Variants in NEB observed in about 807,000 individuals in gnomAD.
NEB encodes nemaline myopathy type 2.
NEB carries 512 observed loss-of-function variants against 952.2 expected under a neutral mutation model. The observed-to-expected ratio is 0.54, with a 90% CI of 0.50 to 0.58. NEB has a LOEUF of 0.58. Among genes scored for constraint, NEB ranks in the 20% least tolerant of loss-of-function variants. The probability of loss-of-function intolerance (pLI) is 0.00; values close to 1 mark genes in which losing one functional copy is unlikely to be tolerated. For synonymous variants in NEB, 2,900 were observed against 3,149.8 expected (o/e 0.92, Z 2.66); for missense variants, 8,428 against 9,231.1 (o/e 0.91, Z 3.56).
chr2:151,499,886 A>G (rs1201489411), intron 168 of NEB, among the ~76,000 whole-genome samples: 1 of 152,232 alleles, frequency 6.6e-6, no homozygotes, highest in South Asian at 2.1e-4. Flanking sequence ...TATTTTCCAC[A>G]GTATCTAATA....
At chr2:151,689,880 C>G (rs2099533965) in intron 24 of NEB, 1 of 152,204 alleles carries the variant, frequency 6.6e-6, no homozygotes, top group Admixed American at 6.5e-5. Context: ...ATGCCATTCT[C>G]CTCTTTACTA....
At chr2:151,566,480 T>C (rs1253287366) in intron 114 of NEB, among the ~76,000 whole-genome samples, 1 of 152,164 alleles carries the variant, frequency 6.6e-6, no homozygotes, top group Non-Finnish European at 1.5e-5. Context: ...CAGGTTCCCT[T>C]TTGTTAATGA....
rs750950248 is a variant in NEB, at chr2:151,570,132, G to T, written c.17379C>A (p.Pro5793=). Residue 5793 remains proline, a synonymous_variant, in exon 109 of 182, where the codon CCC becomes CCA. Transcript: ENST00000397345. ...RNYLHQWTCM[P]DQNDVIQAKK... ...TGGCCTGAATCACATCGTTCTGGTC[G>T]GGCATGCAGGTCCACTGGTGCAGGT... The T allele has an allele frequency of 6.2e-7, 1 of 1,612,708 alleles. No homozygotes were observed. The highest frequency in any genetic ancestry group is 8.5e-7 in the Non-Finnish European group (1 of 1,179,278).
intron 53 of NEB, 39 bp from the exon 54 acceptor site, chr2:151,650,418 CACCTGG>C: frequency 6.3e-7 from 1 of 1,587,204 alleles, no homozygotes; most frequent in Non-Finnish European, 8.6e-7. Flanking sequence ...ATCCCATTCT[CACCTGG>C]ACCCTTGATT....
At position 151,697,454 on chromosome 2, in the gene NEB, T is replaced by C. The variant is rs2099604456; in HGVS notation, c.1261A>G (p.Lys421Glu). 1 of 1,612,818 alleles carries C rather than the reference T, an allele frequency of 6.2e-7. No individual in the cohort carries two copies. Among genetic ancestry groups the C allele is most frequent in the Non-Finnish European group, 8.5e-7 (1 of 1,179,182 alleles). Residue 421 changes from lysine (K) to glutamate (E), a missense_variant, in exon 15 of 182, where the codon AAA becomes GAA. Physicochemically the swap from Lys to Glu is moderately conservative, Grantham distance 56. Around this residue, in one of 11 missense-constraint regions of NEB, gnomAD observed 2,851 missense variants for 2,791.5 expected, o/e 1.02. Coordinates refer to ENST00000397345, the MANE Select transcript of NEB (RefSeq NM_001164508.2). ...TVLQNFSSDK[K>E]YKDSYLKDIL... The stretch of plus-strand genomic sequence containing the variant: ...TCTTTTAAGTAGGAATCTTTATATT[T>C]TTTCTGCAAGACAAAACATACTTCA...
intron 172 of NEB, 79 bp from the exon 173 acceptor site, chr2:151,496,447 C>A: frequency 6.7e-7 from 1 of 1,498,408 alleles, no homozygotes; most frequent in Non-Finnish European, 9.0e-7. Context: ...GTAAGGTCAA[C>A]TTCCTTGTTA....
Position 151,688,048 on chromosome 2 carries a change from G to A in NEB, c.2415+244C>T, listed in dbSNP as rs112387433. ...GTGAAATTTACATGGGAAAGATGTT[G>A]TAAAACTCCAGGGAATAGTAGACGG... On this transcript the variant is annotated intron_variant, in intron 25 of 181. Transcript: ENST00000397345. Among the ~76,000 whole-genome samples the A allele has an allele frequency of 3.3e-3, 497 of 152,258 alleles. 3 individuals carry two copies. The highest frequency in any genetic ancestry group is 0.011 in the African/African-American group (457 of 41,536).
intron 72 of NEB, 143 bp from the exon 73 acceptor site, chr2:151,619,905 TG>T (rs1189314001): frequency 3.9e-5 from 32 of 826,006 alleles, no homozygotes; most frequent in Non-Finnish European, 5.7e-5. Context: ...CATATTGGAC[TG>T]TTGTGCTCAT....
chr2:151,527,313 G>T (rs1401973420), intron 147 of NEB, among the ~76,000 whole-genome samples, 168 bp downstream of exon 147: 1 of 152,174 alleles, frequency 6.6e-6, no homozygotes, highest in Non-Finnish European at 1.5e-5. Context: ...CCATGGGCAG[G>T]TTTGGGTTCT....
intron 151 of NEB, 36 bp from the exon 152 acceptor site, chr2:151,524,652 GGCTTTT>G: frequency 1.9e-6 from 1 of 537,978 alleles, no homozygotes; most frequent in African/African-American, 2.3e-5. Context: ...TCAAGAGAGA[GGCTTTT>G]TTTTTTTTTT....
chr2:151,497,317 C>T (rs2060894449), intron 171 of NEB: 1 of 978,732 alleles, frequency 1.0e-6, no homozygotes, highest in Admixed American at 6.2e-5. Context: ...ACCATGCCTC[C>T]TAAACAATTA....
chr2:151,495,776 C>T (rs780095071), intron 173 of NEB, among the ~76,000 whole-genome samples: 4 of 152,144 alleles, frequency 2.6e-5, no homozygotes, highest in Non-Finnish European at 5.9e-5. Flanking sequence ...GCCAAAACTA[C>T]TATTGGATCA....
rs2096436420 is a variant in NEB, at chr2:151,567,065, T to C, written c.18156+103A>G. 1.9e-6 allele frequency: 2 copies of C among 1,029,034 alleles called. 1 individual carries two copies. Among genetic ancestry groups the C allele is most frequent in the Non-Finnish European group, 2.8e-6 (2 of 713,086 alleles). 63.7% of individuals were successfully genotyped at this position (1,029,034 alleles called of 1,614,324 possible). The stretch of plus-strand genomic sequence containing the variant: ...ATTCCCTTTGGGAACAAATTAAATA[T>C]CGATGGCCTCAAATTTCAAGCACTT... On this transcript the variant is annotated intron_variant, in intron 114 of 181. Transcript: ENST00000397345.
intron 135 of NEB, among the ~76,000 whole-genome samples, chr2:151,545,166 G>A (rs1377413009): frequency 6.6e-6 from 1 of 152,222 alleles, no homozygotes; most frequent in Non-Finnish European, 1.5e-5. Flanking sequence ...AGCAGAGCAG[G>A]GAGCCACTGA....
intron 151 of NEB, 37 bp from the exon 152 acceptor site, chr2:151,524,653 G>C (rs977754782): frequency 5.0e-5 from 26 of 515,284 alleles, no homozygotes; most frequent in African/African-American, 1.3e-4. Flanking sequence ...CAAGAGAGAG[G>C]CTTTTTTTTT....
At chr2:151,609,594 A>T (rs1378897949) in intron 81 of NEB, among the ~76,000 whole-genome samples, 5 of 152,246 alleles carry the variant, frequency 3.3e-5, no homozygotes, top group Non-Finnish European at 5.9e-5. Flanking sequence ...TTTTAAAAAC[A>T]TTCAGATGAT....
Position 151,655,386 on chromosome 2 carries a change from GA to G in NEB, c.6703-13del, listed in dbSNP as rs763294980. ...ATGGTGTATAAATGCTAGGAAGTGG[GA>G]AAAAAAGACATGAAATTTGAATAAC... On this transcript the variant is annotated splice_polypyrimidine_tract_variant and intron_variant, in intron 50 of 181. Transcript: ENST00000397345. The G allele has an allele frequency of 1.9e-5, 27 of 1,448,776 alleles. No homozygotes were observed. Among genetic ancestry groups the G allele is most frequent in the African/African-American group, 7.1e-5 (5 of 70,314 alleles). 89.7% of individuals were successfully genotyped at this position (1,448,776 alleles called of 1,614,324 possible). A position where few individuals can be genotyped will look rare whatever the true frequency, so the allele number is the denominator to read the frequency against.
rs564761820 is a variant in NEB at position 151,509,223 on chromosome 2, G to A, written c.23347-1114C>T. ...AGATTTTGTTCATCTAAATGGAAGC[G>A]AATTAAAGCCAGATTTTTCGGAAGA... On this transcript the variant is annotated intron_variant, in intron 161 of 181. Transcript: ENST00000397345. 5.9e-5 allele frequency among the ~76,000 whole-genome samples: 9 copies of A among 152,224 alleles called. No individual in the cohort carries two copies. The South Asian group carries it at 6.2e-4, about 11-fold the overall frequency.
intron 3 of NEB, among the ~76,000 whole-genome samples, chr2:151,732,246 A>G (rs1294087021): frequency 6.6e-6 from 1 of 152,194 alleles, no homozygotes; most frequent in African/African-American, 2.4e-5. Flanking sequence ...ATTCAGATTC[A>G]TGGCACTGTA....
Sources: gnomAD v4.1 joint callset for allele counts (sites outside exome capture counted in the v4.1 genomes callset) on GRCh38, gnomAD v4.1.1 for gene constraint, gnomAD v4.1.1 regional missense constraint, MANE v1.5 for transcripts, NCBI Gene and HGNC (gene_info 2026-07-23, HGNC 2026-07-21) for gene names.